NR3C2: variants seen among roughly 807,000 people sequenced by gnomAD.
NR3C2 encodes the protein mineralocorticoid receptor.
Under a neutral mutation model 86.4 loss-of-function variants are expected in NR3C2, and 15 were observed. The observed-to-expected ratio is 0.17, with a 90% CI of 0.12 to 0.27. NR3C2 has a LOEUF of 0.27. Ranked by LOEUF, NR3C2 falls within the 10% of genes least tolerant of loss-of-function variation. The pLI, the probability that NR3C2 is intolerant of heterozygous loss-of-function variation, is 1.00. For synonymous variants in NR3C2, 458 were observed against 450.5 expected, an observed-to-expected ratio of 1.02 and a Z score of -0.21; for missense variants, 960 against 1,195.6, an observed-to-expected ratio of 0.80 and a Z score of 2.91.
intron 2 of NR3C2, among the ~76,000 whole-genome samples, chr4:148,393,839 TG>T (rs1230844339): frequency 1.3e-5 from 2 of 152,158 alleles, no homozygotes; most frequent in Non-Finnish European, 2.9e-5. Context: ...TATGGAATGG[TG>T]GGGTGGTAGT....
chr4:148,286,438 A>C (rs979930277), intron 2 of NR3C2, among the ~76,000 whole-genome samples: 2 of 152,236 alleles, frequency 1.3e-5, no homozygotes, highest in Non-Finnish European at 2.9e-5. Context: ...CCTGTGATTC[A>C]CTTCTACAAA....
intron 4 of NR3C2, among the ~76,000 whole-genome samples, chr4:148,164,003 C>T (rs752580710): frequency 6.6e-6 from 1 of 152,278 alleles, no homozygotes; most frequent in South Asian, 2.1e-4. Flanking sequence ...AGAAGAGGAT[C>T]GACAGCTAAA....
At chr4:148,184,667 T>TA (rs1180992252) in intron 4 of NR3C2, among the ~76,000 whole-genome samples, 4 of 152,174 alleles carry the variant, frequency 2.6e-5, no homozygotes, top group Admixed American at 1.3e-4. Flanking sequence ...AGTGCTTTTT[T>TA]AAAAAAATCA....
chr4:148,425,680 T>A (rs1749495427), intron 2 of NR3C2, among the ~76,000 whole-genome samples: 1 of 152,210 alleles, frequency 6.6e-6, no homozygotes, highest in Non-Finnish European at 1.5e-5. Flanking sequence ...TTTTACTTTC[T>A]GCTGCTTGCA....
chr4:148,317,246 T>C (rs1253252361), intron 2 of NR3C2, among the ~76,000 whole-genome samples: 1 of 152,132 alleles, frequency 6.6e-6, no homozygotes, highest in Non-Finnish European at 1.5e-5. Context: ...TCCCAGCTAC[T>C]TGTGAGGCTG....
intron 2 of NR3C2, among the ~76,000 whole-genome samples, chr4:148,396,043 T>G (rs1337195413): frequency 6.6e-6 from 1 of 152,206 alleles, no homozygotes; most frequent in Non-Finnish European, 1.5e-5. Flanking sequence ...TGATCATTCA[T>G]CAAGGAAAGG....
chr4:148,260,277 G>A (rs1482805158), intron 2 of NR3C2, among the ~76,000 whole-genome samples, 160 bp from the exon 3 acceptor site: 5 of 152,182 alleles, frequency 3.3e-5, no homozygotes, highest in Admixed American at 3.3e-4. Context: ...GGTAAAACCC[G>A]ATGAGTGGAG....
intron 3 of NR3C2, among the ~76,000 whole-genome samples, chr4:148,255,029 C>A (rs1739761766): frequency 6.6e-6 from 1 of 151,474 alleles, no homozygotes; most frequent in South Asian, 2.1e-4. Flanking sequence ...TAGCTTGAGT[C>A]CACTACAATG....
intron 6 of NR3C2, among the ~76,000 whole-genome samples, chr4:148,126,377 G>A (rs1732747437): frequency 1.3e-5 from 2 of 152,182 alleles, no homozygotes; most frequent in Non-Finnish European, 2.9e-5. Flanking sequence ...TCATTTGGTT[G>A]AAACAAACCA....
chr4:148,318,627 T>G (rs1743358603), intron 2 of NR3C2, among the ~76,000 whole-genome samples: 1 of 152,322 alleles, frequency 6.6e-6, no homozygotes, highest in South Asian at 2.1e-4. Flanking sequence ...TAACGGCCAG[T>G]GATGATGAGC....
At chr4:148,319,194 T>C (rs1163371129) in intron 2 of NR3C2, among the ~76,000 whole-genome samples, 11 of 151,962 alleles carry the variant, frequency 7.2e-5, no homozygotes, top group Non-Finnish European at 1.5e-4. Flanking sequence ...TGTAGATATG[T>C]GGCATTATTT....
chr4:148,292,967 A>G (rs969621816), intron 2 of NR3C2, among the ~76,000 whole-genome samples: 4 of 152,148 alleles, frequency 2.6e-5, no homozygotes, highest in Non-Finnish European at 5.9e-5. Context: ...CACAGAGATG[A>G]TATTGAGTAA....
intron 3 of NR3C2, among the ~76,000 whole-genome samples, chr4:148,233,978 A>G (rs568824671): frequency 2.6e-5 from 4 of 152,312 alleles, no homozygotes; most frequent in African/African-American, 7.2e-5. Flanking sequence ...ACAAACCTTC[A>G]ATCTGAAATT....
intron 8 of NR3C2, among the ~76,000 whole-genome samples, chr4:148,105,196 A>G (rs1429422975): frequency 6.6e-6 from 1 of 152,242 alleles, no homozygotes. Flanking sequence ...AAAAAATAAT[A>G]AAGGGGACAT....
At chr4:148,353,697 A>C (rs1462589938) in intron 2 of NR3C2, among the ~76,000 whole-genome samples, 2 of 152,186 alleles carry the variant, frequency 1.3e-5, no homozygotes, top group African/African-American at 4.8e-5. Flanking sequence ...TTTTATAATT[A>C]TATTCCTATA....
chr4:148,303,478 C>T (rs548618658), intron 2 of NR3C2, among the ~76,000 whole-genome samples: 3 of 152,252 alleles, frequency 2.0e-5, no homozygotes, highest in South Asian at 2.1e-4. Flanking sequence ...GCACACAAAT[C>T]TTACCAAGCA....
chr4:148,215,981 G>GAT (rs1359679117), intron 3 of NR3C2, among the ~76,000 whole-genome samples: 1 of 151,836 alleles, frequency 6.6e-6, no homozygotes, highest in Non-Finnish European at 1.5e-5. Context: ...GTAGAGATGG[G>GAT]ATTTCACTGC....
At chr4:148,444,981 G>A, upstream of NR3C2, 1 of 983,780 alleles carries the variant, frequency 1.0e-6, no homozygotes, top group Non-Finnish European at 1.2e-6. Flanking sequence ...TGAGGGGGCG[G>A]TCGCAGGGGG....
chr4:148,149,441 C>G (rs906618536), intron 6 of NR3C2, among the ~76,000 whole-genome samples: 19 of 151,788 alleles, frequency 1.3e-4, no homozygotes, highest in Admixed American at 1.2e-3. Context: ...GTTCCATTTA[C>G]GAAAAAACAT....
Sources: gnomAD v4.1 joint callset for allele counts (sites outside exome capture counted in the v4.1 genomes callset) on GRCh38, gnomAD v4.1.1 for gene constraint, MANE v1.5 for transcripts, NCBI Gene and HGNC (gene_info 2026-07-23, HGNC 2026-07-21) for gene names.